The following PCDHGB2 variants were observed in gnomAD, a reference collection of about 807,000 sequenced individuals.
PCDHGB2 encodes protocadherin gamma subfamily B, 2.
A neutral mutation model predicts 59.3 loss-of-function variants in PCDHGB2; 55 were observed. That is an observed-to-expected ratio of 0.93 (90% CI 0.75 to 1.16). PCDHGB2 has a LOEUF of 1.16. Ranked by LOEUF, PCDHGB2 falls within the 50% of genes most tolerant of loss-of-function variation. The probability of loss-of-function intolerance (pLI) is 0.00; values close to 1 mark genes in which losing one functional copy is unlikely to be tolerated. For synonymous variants in PCDHGB2, 516 were observed against 512.0 expected (o/e 1.01, Z -0.11); for missense variants, 1,228 against 1,198.5 (o/e 1.02, Z -0.36).
intron 2 of PCDHGB2, among the ~76,000 whole-genome samples, chr5:141,497,643 G>A (rs773129390): frequency 6.6e-6 from 1 of 151,192 alleles, no homozygotes; most frequent in African/African-American, 2.4e-5. Context: ...AGGTTCAAGC[G>A]ATTCTCCTGC....
chr5:141,392,242 G>A (rs1294476832), intron 1 of PCDHGB2: 1 of 152,134 alleles, frequency 6.6e-6, no homozygotes, highest in African/African-American at 2.4e-5. Context: ...TTAGTTATTT[G>A]TTAGTATATA....
chr5:141,415,322 T>G (rs1226384298), intron 1 of PCDHGB2: 2 of 1,614,104 alleles, frequency 1.2e-6, no homozygotes, highest in South Asian at 2.2e-5. Flanking sequence ...ATCGTGCTGC[T>G]GGCGCACAGG....
chr5:141,432,870 T>C lies in PCDHGB2; in HGVS notation c.2422-61937T>C, dbSNP rs1022024380. The stretch of plus-strand genomic sequence containing the variant: ...GCGGTGGCCGCGGTCTCCTGCGTCT[T>C]CCTGGCCTTCGTCATCTTGCTGCTG... On this transcript the variant is annotated intron_variant, in intron 1 of 3. Transcript: ENST00000522605. This position sits in a 1 kb window ranked among gnomAD's most constrained non-coding sequence, Gnocchi z 6.0. The C allele has an allele frequency of 1.9e-6, 3 of 1,614,030 alleles. No homozygotes were observed. In the African/African-American group the frequency reaches 4.0e-5, roughly 22 times the overall value.
chr5:141,365,394 C>T (rs1245270195), intron 1 of PCDHGB2: 22 of 1,613,942 alleles, frequency 1.4e-5, no homozygotes, highest in Non-Finnish European at 1.9e-5. Flanking sequence ...CTGACCAGTT[C>T]GATCTCTGAA....
chr5:141,394,859 C>A, intron 1 of PCDHGB2: 1 of 1,613,758 alleles, frequency 6.2e-7, no homozygotes. Context: ...AGCCTTCGGT[C>A]GACCCGAACG....
At chr5:141,370,697 G>T in intron 1 of PCDHGB2, 3 of 1,613,806 alleles carry the variant, frequency 1.9e-6, no homozygotes, top group Non-Finnish European at 2.5e-6. Context: ...AGAAGTCGAC[G>T]TGTGTTCTGG....
At position 141,404,352 on chromosome 5, in the gene PCDHGB2, G is replaced by A. The variant is rs1378093484; in HGVS notation, c.2421+41796G>A. 1.7e-5 allele frequency: 27 copies of A among 1,613,812 alleles called. No individual in the cohort carries two copies. The South Asian group carries it at 2.9e-4, about 17-fold the overall frequency. On this transcript the variant is annotated intron_variant, in intron 1 of 3. Coordinates refer to ENST00000522605, the MANE Select transcript of PCDHGB2 (RefSeq NM_018923.3). ...GTCTACCTCCCGGAAAACAACGCCAGAGGTACTTCCATCTTCTCCGTGATT... is the reference window on the plus strand; with the variant it reads ...GTCTACCTCCCGGAAAACAACGCCAAAGGTACTTCCATCTTCTCCGTGATT...
intron 1 of PCDHGB2, chr5:141,441,945 G>A: frequency 3.0e-6 from 1 of 333,884 alleles, no homozygotes; most frequent in Non-Finnish European, 5.8e-6. Flanking sequence ...ACCACGTGCT[G>A]CAGGCCAGCA....
chr5:141,365,467 T>C (rs761340226), intron 1 of PCDHGB2: 6 of 1,613,974 alleles, frequency 3.7e-6, no homozygotes, highest in Non-Finnish European at 4.2e-6. Flanking sequence ...CTGGAGAAAA[T>C]GGTGAGATTG....
At chr5:141,370,380 G>A in intron 1 of PCDHGB2, 5 of 1,532,358 alleles carry the variant, frequency 3.3e-6, no homozygotes, top group Non-Finnish European at 4.4e-6. Flanking sequence ...GAAAGGCAAA[G>A]GCGCAGAGAG....
At chr5:141,410,995 T>A in intron 1 of PCDHGB2, 1 of 174,388 alleles carries the variant, frequency 5.7e-6, no homozygotes, top group South Asian at 1.4e-4. Flanking sequence ...CTGGGATTAC[T>A]GGTGCCCCTC....
chr5:141,499,073 G>T (rs2099789305), intron 2 of PCDHGB2, among the ~76,000 whole-genome samples: 1 of 152,064 alleles, frequency 6.6e-6, no homozygotes, highest in Admixed American at 6.5e-5. Flanking sequence ...CTTACATTCT[G>T]AAGTTCCTGC....
chr5:141,487,181 C>T lies in PCDHGB2; in HGVS notation c.2422-7626C>T. 3 of 1,612,732 alleles carry T rather than the reference C, an allele frequency of 1.9e-6. No individual in the cohort carries two copies. The highest frequency in any genetic ancestry group is 1.1e-5 in the South Asian group (1 of 91,060). ...CTTAGTGTCCTTAGAGGAAGACACT[C>T]ATCCAGTTGTCCCAGATCTTCGAGA... On this transcript the variant is annotated intron_variant, in intron 1 of 3. Transcript: ENST00000522605. This position sits in a 1 kb window ranked among gnomAD's most constrained non-coding sequence, Gnocchi z 5.0.
intron 1 of PCDHGB2, chr5:141,409,471 A>T: frequency 6.2e-7 from 1 of 1,613,978 alleles, no homozygotes; most frequent in Non-Finnish European, 8.5e-7. Context: ...TCACCATCGT[A>T]GCCACTGACA....
At chr5:141,430,878 A>G in intron 1 of PCDHGB2, 1 of 1,600,748 alleles carries the variant, frequency 6.2e-7, no homozygotes, top group Admixed American at 1.8e-5. Context: ...GAAGAGCTGG[A>G]GAAAGGCTCT....
At chr5:141,374,258 T>G (rs1770318137) in intron 1 of PCDHGB2, 2 of 1,613,806 alleles carry the variant, frequency 1.2e-6, no homozygotes, top group African/African-American at 1.3e-5. Flanking sequence ...GCCCCAGGAG[T>G]TGGCGGAGCA....
intron 1 of PCDHGB2, chr5:141,389,913 C>A (rs751155354): frequency 6.2e-7 from 1 of 1,614,092 alleles, no homozygotes; most frequent in Non-Finnish European, 8.5e-7. Context: ...CACTGACCGC[C>A]CCGACCCCTC....
chr5:141,432,286 C>T lies in PCDHGB2; in HGVS notation c.2422-62521C>T. ...TATCGTCCTACGTGTCCATCAACTCCGACACTGGGGTACTGTATGCGCTGA... is the reference window on the plus strand; with the variant it reads ...TATCGTCCTACGTGTCCATCAACTCTGACACTGGGGTACTGTATGCGCTGA... On this transcript the variant is annotated intron_variant, in intron 1 of 3. Transcript: ENST00000522605. This position sits in a 1 kb window ranked among gnomAD's most constrained non-coding sequence, Gnocchi z 6.0. 3 of 1,614,252 alleles carry T rather than the reference C, an allele frequency of 1.9e-6. No homozygotes were observed. Among genetic ancestry groups the T allele is most frequent in the Non-Finnish European group, 2.5e-6 (3 of 1,180,048 alleles).
chr5:141,370,738 A>G, intron 1 of PCDHGB2: 2 of 1,613,902 alleles, frequency 1.2e-6, no homozygotes, highest in Non-Finnish European at 1.7e-6. Context: ...AAGCCTTTAA[A>G]CTTTTTTCAT....
Sources: gnomAD v4.1 joint callset for allele counts (sites outside exome capture counted in the v4.1 genomes callset) on GRCh38, gnomAD v4.1.1 for gene constraint, Gnocchi (gnomAD v3.1) non-coding constraint, MANE v1.5 for transcripts, NCBI Gene and HGNC (gene_info 2026-07-23, HGNC 2026-07-21) for gene names.